The following ROBO2 variants were observed in gnomAD, a reference collection of about 807,000 sequenced individuals.
The protein encoded by ROBO2 is roundabout homolog 2.
ROBO2 carries 53 observed loss-of-function variants against 160.8 expected under a neutral mutation model. That is an observed-to-expected ratio of 0.33 (90% CI 0.26 to 0.41). ROBO2 has a LOEUF of 0.41. Ranked by LOEUF, ROBO2 falls within the 10% of genes least tolerant of loss-of-function variation. The pLI is 1.00. For synonymous variants in ROBO2, 664 were observed against 611.7 expected (o/e 1.09, Z -1.26); for missense variants, 1,577 against 1,722.4 (o/e 0.92, Z 1.49).
chr3:76,162,813 C>T (rs1013831755), intron 2 of ROBO2, among the ~76,000 whole-genome samples: 11 of 151,936 alleles, frequency 7.2e-5, no homozygotes, highest in Non-Finnish European at 1.6e-4. Context: ...ATTAGACATC[C>T]CTATACTACT....
At chr3:75,976,836 G>A (rs1313353533) in intron 2 of ROBO2, among the ~76,000 whole-genome samples, 1 of 151,362 alleles carries the variant, frequency 6.6e-6, no homozygotes, top group Non-Finnish European at 1.5e-5. Flanking sequence ...GCACAAACAC[G>A]TTTCTTTGCC....
intron 2 of ROBO2, among the ~76,000 whole-genome samples, chr3:76,209,754 C>G (rs1411621264): frequency 6.6e-6 from 1 of 152,024 alleles, no homozygotes; most frequent in Non-Finnish European, 1.5e-5. Flanking sequence ...TTCATAGCAG[C>G]TGGGGATTAA....
intron 2 of ROBO2, 71 bp from the exon 3 acceptor site, chr3:77,477,343 G>GT: frequency 6.7e-7 from 1 of 1,490,936 alleles, no homozygotes. Context: ...AAGACTTGAA[G>GT]TTACCTTGTA....
chr3:77,542,569 G>C (rs2153645374), intron 6 of ROBO2, among the ~76,000 whole-genome samples: 1 of 152,234 alleles, frequency 6.6e-6, no homozygotes, highest in Non-Finnish European at 1.5e-5. Flanking sequence ...GATGCTGACA[G>C]TTTTTTGTTA....
intron 2 of ROBO2, among the ~76,000 whole-genome samples, chr3:76,237,789 T>G (rs2107500523): frequency 6.6e-6 from 1 of 152,176 alleles, no homozygotes; most frequent in Admixed American, 6.5e-5. Context: ...GTGAAAAAAC[T>G]TTGGTAGAGT....
At chr3:76,676,753 C>T (rs562628064) in intron 2 of ROBO2, among the ~76,000 whole-genome samples, 6 of 152,228 alleles carry the variant, frequency 3.9e-5, no homozygotes, top group Admixed American at 6.5e-5. Flanking sequence ...CTGAAGACTG[C>T]GAACATGTTG....
Position 77,611,225 on chromosome 3 carries a change from G to A in ROBO2, c.3293+3271G>A, listed in dbSNP as rs546350989. Among the ~76,000 whole-genome samples the A allele has an allele frequency of 4.0e-5, 6 of 151,508 alleles. No homozygotes were observed. In the East Asian group the frequency reaches 1.2e-3, roughly 30 times the overall value. On this transcript the variant is annotated intron_variant, in intron 21 of 25. Transcript: ENST00000461745. ...AGGCAGGAGAATGGCGTGAACCTGG[G>A]AGGCGGAATTCGCAGTGAGCCGAGA...
intron 2 of ROBO2, among the ~76,000 whole-genome samples, chr3:76,456,356 T>C (rs546762557): frequency 6.6e-6 from 1 of 152,388 alleles, no homozygotes; most frequent in African/African-American, 2.4e-5. Context: ...AATTATATCA[T>C]CAATCATAGT....
rs115324697 is a variant in ROBO2 at position 77,581,394 on chromosome 3, T to G, written c.2500+1276T>G. ...GAAATTGTGGCTTACCTCTAGATAC[T>G]GAGGATATTTTCTTCTAGAAGCTTT... On this transcript the variant is annotated intron_variant, in intron 16 of 25. Transcript: ENST00000461745. 8.4e-3 allele frequency among the ~76,000 whole-genome samples: 1,279 copies of G among 152,214 alleles called. 13 individuals are homozygous for G. Among genetic ancestry groups the G allele is most frequent in the African/African-American group, 0.029 (1,208 of 41,566 alleles).
chr3:76,091,617 C>T (rs2069239665), intron 2 of ROBO2, among the ~76,000 whole-genome samples: 1 of 152,112 alleles, frequency 6.6e-6, no homozygotes, highest in African/African-American at 2.4e-5. Flanking sequence ...GGAACAAAAA[C>T]CTGCACATGA....
At position 77,146,139 on chromosome 3, in the gene ROBO2, G is replaced by A. The variant is rs150153365; in HGVS notation, c.388+47799G>A. ...CTGACCCTGCCTATTGTCTGGGCTT[G>A]TCGTCTTCTGTCAGTAGTGTGCCAC... On this transcript the variant is annotated intron_variant, in intron 2 of 25. Transcript: ENST00000461745. 2.6e-3 allele frequency among the ~76,000 whole-genome samples: 403 copies of A among 152,322 alleles called. 2 individuals carry two copies. Among genetic ancestry groups the A allele is most frequent in the African/African-American group, 9.3e-3 (385 of 41,582 alleles).
chr3:76,821,790 C>T (rs1278755424), intron 2 of ROBO2, among the ~76,000 whole-genome samples: 2 of 151,894 alleles, frequency 1.3e-5, no homozygotes, highest in African/African-American at 4.8e-5. Context: ...CTGTGTGTGC[C>T]ATCAACAGAA....
intron 9 of ROBO2, among the ~76,000 whole-genome samples, chr3:77,561,779 G>A (rs111795082): frequency 0.022 from 3,407 of 152,052 alleles, 128 homozygotes; most frequent in African/African-American, 0.077. Flanking sequence ...GAATATTGAA[G>A]TTTTTAAATG....
At chr3:76,430,166 C>G (rs185869048) in intron 2 of ROBO2, among the ~76,000 whole-genome samples, 3 of 152,152 alleles carry the variant, frequency 2.0e-5, no homozygotes, top group African/African-American at 7.2e-5. Flanking sequence ...TAATTCAAAA[C>G]CCCAAATACC....
At chr3:77,368,720 G>T (rs1409193954) in intron 2 of ROBO2, among the ~76,000 whole-genome samples, 1 of 152,134 alleles carries the variant, frequency 6.6e-6, no homozygotes, top group Non-Finnish European at 1.5e-5. Flanking sequence ...TGTATCTTTT[G>T]TGATATTCTC....
chr3:77,649,842 A>G (rs569116642), exon 26 of ROBO2: 6 of 152,130 alleles, frequency 3.9e-5, no homozygotes, highest in African/African-American at 1.4e-4. Flanking sequence ...CAAAATCTTA[A>G]TGTGTTTCAT....
intron 2 of ROBO2, among the ~76,000 whole-genome samples, chr3:76,633,639 T>C (rs2090154565): frequency 6.6e-6 from 1 of 152,230 alleles, no homozygotes; most frequent in Non-Finnish European, 1.5e-5. Context: ...AGAAATGGTT[T>C]CCCAAGCACT....
chr3:76,938,924 T>A (rs1255023685), intron 2 of ROBO2, among the ~76,000 whole-genome samples: 2 of 140,212 alleles, frequency 1.4e-5, no homozygotes, highest in African/African-American at 5.2e-5. Flanking sequence ...TGAGCTGAGA[T>A]CACGCCATTG....
In ROBO2 at chr3:77,386,603, A is replaced by ATTTTTTTT. The variant is rs71104679; in HGVS notation, c.389-90801_389-90794dup. On this transcript the variant is annotated intron_variant, in intron 2 of 25. Coordinates refer to ENST00000461745, the Ensembl canonical transcript of ROBO2. Reference sequence around the variant, plus strand: ...AGTTAATTATTTTTTCAGCCAGGTAATTTTTTTTTTTTTTTTTGAAATAGA... The same window carrying ATTTTTTTT: ...AGTTAATTATTTTTTCAGCCAGGTAATTTTTTTTTTTTTTTTTTTTTTTTTGAAATAGA... 8.5e-3 allele frequency among the ~76,000 whole-genome samples: 785 copies of ATTTTTTTT among 91,866 alleles called. 95 individuals are homozygous for ATTTTTTTT. Among genetic ancestry groups the ATTTTTTTT allele is most frequent in the Middle Eastern group, 0.025 (3 of 122 alleles). 60.3% of individuals were successfully genotyped at this position (91,866 alleles called of 152,430 possible).
Sources: allele counts gnomAD v4.1 joint callset (sites outside exome capture counted in the v4.1 genomes callset), GRCh38; gene constraint gnomAD v4.1.1; transcripts MANE v1.5; gene names NCBI Gene and HGNC (gene_info 2026-07-23, HGNC 2026-07-21).